The following TMEM74 variants were observed in gnomAD, a reference collection of about 807,000 sequenced individuals.
The protein encoded by TMEM74 is transmembrane protein 74.
TMEM74 carries 13 observed loss-of-function variants against 18.1 expected under a neutral mutation model. That is an observed-to-expected ratio of 0.72 (90% CI 0.47 to 1.14). The LOEUF is 1.14. Among genes scored for constraint, TMEM74 ranks in the 50% most tolerant of loss-of-function variants. The probability of loss-of-function intolerance (pLI) is 0.00; values close to 1 mark genes in which losing one functional copy is unlikely to be tolerated. For missense variants in TMEM74, 372 were observed against 375.9 expected, an observed-to-expected ratio of 0.99 and a Z score of 0.09; for synonymous variants, 159 against 146.6, an observed-to-expected ratio of 1.08 and a Z score of -0.61.
At chr8:108,718,002 A>C (rs528716731) in intron 1 of TMEM74, among the ~76,000 whole-genome samples, 2 of 83,136 alleles carry the variant, frequency 2.4e-5, no homozygotes, top group Non-Finnish European at 3.7e-5. Context: ...TCTGTCACCC[A>C]GGCTGGAGTG....
chr8:108,691,400 A>C lies in TMEM74; in HGVS notation n.120-35963T>G, dbSNP rs1813229751. Among the ~76,000 whole-genome samples, 7 of 152,228 alleles carry C rather than the reference A, an allele frequency of 4.6e-5. No homozygotes were observed. The South Asian group carries it at 1.2e-3, about 27-fold the overall frequency. ...AGTGCCCAGAACATGTGATCAAAAC[A>C]AGGAACTGAAAGCAACAGTGAGTAT... is the stretch of plus-strand genomic sequence containing the variant. On this transcript the variant is annotated intron_variant and non_coding_transcript_variant, in intron 1 of 3. Transcript: ENST00000518838.
intron 1 of TMEM74, among the ~76,000 whole-genome samples, chr8:108,718,692 G>T (rs1813553484): frequency 6.6e-6 from 1 of 152,072 alleles, no homozygotes; most frequent in South Asian, 2.1e-4. Context: ...TGAAATGTTG[G>T]TATATGTATA....
chr8:108,724,298 A>T (rs1813612717), intron 1 of TMEM74, among the ~76,000 whole-genome samples: 1 of 152,150 alleles, frequency 6.6e-6, no homozygotes, highest in South Asian at 2.1e-4. Flanking sequence ...GCTTGTCTTC[A>T]TGACTGAACT....
intron 1 of TMEM74, among the ~76,000 whole-genome samples, chr8:108,760,295 C>T (rs947760628): frequency 2.0e-5 from 3 of 151,892 alleles, no homozygotes; most frequent in African/African-American, 7.3e-5. Context: ...GAACTTCCAG[C>T]AGCTTAGGTG....
chr8:108,659,902 C>A (rs1421199119), intron 1 of TMEM74, among the ~76,000 whole-genome samples: 3 of 152,098 alleles, frequency 2.0e-5, no homozygotes, highest in Non-Finnish European at 4.4e-5. Context: ...AGTGAGAGCA[C>A]AAAGCCCCAG....
intron 1 of TMEM74, among the ~76,000 whole-genome samples, chr8:108,679,917 C>T (rs1813094972): frequency 6.6e-6 from 1 of 152,090 alleles, no homozygotes; most frequent in Non-Finnish European, 1.5e-5. Context: ...CACCTCTGCA[C>T]AAATAAACTA....
chr8:108,700,847 C>A (rs139194275), intron 1 of TMEM74, among the ~76,000 whole-genome samples: 2 of 152,222 alleles, frequency 1.3e-5, no homozygotes, highest in East Asian at 3.9e-4. Flanking sequence ...CAAAATCAGG[C>A]TAAACTCCTG....
chr8:108,699,429 C>T (rs1016590721), intron 1 of TMEM74, among the ~76,000 whole-genome samples: 33 of 151,932 alleles, frequency 2.2e-4, no homozygotes, highest in African/African-American at 7.7e-4. Flanking sequence ...CACTCTATGC[C>T]ATGGCCACAG....
At chr8:108,670,352 C>T (rs1479621347) in intron 1 of TMEM74, among the ~76,000 whole-genome samples, 3 of 152,112 alleles carry the variant, frequency 2.0e-5, no homozygotes, top group Non-Finnish European at 4.4e-5. Flanking sequence ...GAATGATTTG[C>T]CCTGCAATGT....
intron 1 of TMEM74, among the ~76,000 whole-genome samples, chr8:108,744,138 A>G (rs1813826684): frequency 6.6e-6 from 1 of 152,192 alleles, no homozygotes; most frequent in African/African-American, 2.4e-5. Flanking sequence ...ATCAACTACA[A>G]GAGCTTGCCG....
At chr8:108,618,084 C>G (rs867046115) in intron 2 of TMEM74, among the ~76,000 whole-genome samples, 2 of 152,150 alleles carry the variant, frequency 1.3e-5, no homozygotes, top group South Asian at 4.1e-4. Context: ...ACAGAAGTAG[C>G]TGATTCAGGC....
chr8:108,708,182 C>A (rs968013105), intron 1 of TMEM74, among the ~76,000 whole-genome samples: 11 of 151,822 alleles, frequency 7.2e-5, no homozygotes, highest in Non-Finnish European at 1.6e-4. Flanking sequence ...CAGCTCCACT[C>A]ATGTTGCTGC....
At chr8:108,756,516 A>C (rs1005130634) in intron 1 of TMEM74, among the ~76,000 whole-genome samples, 8 of 145,348 alleles carry the variant, frequency 5.5e-5, no homozygotes, top group African/African-American at 2.1e-4. Context: ...CATATCCGCA[A>C]ATTTAGAGGA....
chr8:108,722,257 G>A (rs1429870305), intron 1 of TMEM74, among the ~76,000 whole-genome samples: 1 of 152,062 alleles, frequency 6.6e-6, no homozygotes, highest in Non-Finnish European at 1.5e-5. Flanking sequence ...ACAGGTTTGG[G>A]GATTAGAACA....
At chr8:108,631,978 A>AT (rs1262169453) in intron 2 of TMEM74, among the ~76,000 whole-genome samples, 3 of 152,022 alleles carry the variant, frequency 2.0e-5, no homozygotes, top group African/African-American at 7.2e-5. Flanking sequence ...AATTGACATT[A>AT]GAGCTTCAAC....
chr8:108,757,407 C>G (rs1813987263), intron 1 of TMEM74, among the ~76,000 whole-genome samples: 1 of 151,986 alleles, frequency 6.6e-6, no homozygotes, highest in Non-Finnish European at 1.5e-5. Context: ...TTGTATACAT[C>G]AATATTTATC....
intron 1 of TMEM74, among the ~76,000 whole-genome samples, chr8:108,696,000 G>A (rs866465257): frequency 7.9e-5 from 12 of 152,118 alleles, no homozygotes; most frequent in Admixed American, 3.3e-4. Flanking sequence ...CTACCCTGAA[G>A]CTATGGACAA....
At chr8:108,638,651 T>A (rs9297416) in intron 2 of TMEM74, among the ~76,000 whole-genome samples, 19,584 of 151,810 alleles carry the variant, frequency 0.13, 1,648 homozygotes, top group East Asian at 0.42. Flanking sequence ...CTACACTAGG[T>A]AGGAAGCTTG....
chr8:108,662,406 A>G (rs1741364494), intron 1 of TMEM74, among the ~76,000 whole-genome samples: 1 of 152,112 alleles, frequency 6.6e-6, no homozygotes, highest in Admixed American at 6.6e-5. Context: ...GAGAACAGGA[A>G]AGGCAGCAAC....
Sources: allele counts gnomAD v4.1 joint callset (sites outside exome capture counted in the v4.1 genomes callset), GRCh38; gene constraint gnomAD v4.1.1; transcripts MANE v1.5; gene names NCBI Gene and HGNC (gene_info 2026-07-23, HGNC 2026-07-21).